SH3GL3: variants seen among roughly 807,000 people sequenced by gnomAD.
The protein encoded by SH3GL3 is endophilin-A3.
A neutral mutation model predicts 47.7 loss-of-function variants in SH3GL3; 33 were observed. The observed-to-expected ratio is 0.69, with a 90% CI of 0.52 to 0.92. SH3GL3 has a LOEUF of 0.92. Ranked by LOEUF, SH3GL3 falls within the 40% of genes least tolerant of loss-of-function variation. The probability of loss-of-function intolerance (pLI) is 0.00; values close to 1 mark genes in which losing one functional copy is unlikely to be tolerated. For missense variants in SH3GL3, 363 were observed against 417.8 expected, an observed-to-expected ratio of 0.87 and a Z score of 1.14; for synonymous variants, 155 against 148.8, an observed-to-expected ratio of 1.04 and a Z score of -0.30.
chr15:83,468,405 TAAGAG>T (rs766283848), intron 1 of SH3GL3, among the ~76,000 whole-genome samples: 2 of 152,206 alleles, frequency 1.3e-5, no homozygotes, highest in Non-Finnish European at 2.9e-5. Context: ...ATTATTTGAA[TAAGAG>T]TAGTGAGAGT....
chr15:83,581,979 T>G (rs1297461186), intron 6 of SH3GL3, among the ~76,000 whole-genome samples: 2 of 152,218 alleles, frequency 1.3e-5, no homozygotes, highest in African/African-American at 4.8e-5. Context: ...GTCCCATGAC[T>G]GATTTCTCAC....
intron 1 of SH3GL3, among the ~76,000 whole-genome samples, chr15:83,516,719 A>G (rs554720633): frequency 2.2e-4 from 34 of 152,096 alleles, no homozygotes; most frequent in Non-Finnish European, 4.7e-4. Context: ...CTCATGATCA[A>G]ACACCTCCCA....
intron 6 of SH3GL3, among the ~76,000 whole-genome samples, chr15:83,585,070 T>G (rs2151799885): frequency 6.6e-6 from 1 of 152,268 alleles, no homozygotes; most frequent in South Asian, 2.1e-4. Flanking sequence ...AAGCTTCAAT[T>G]TTCTGAAATC....
Position 83,478,393 on chromosome 15 carries a change from A to T in SH3GL3, c.45+30815A>T, listed in dbSNP as rs148318530. On this transcript the variant is annotated intron_variant, in intron 1 of 8. Transcript: ENST00000427482. The stretch of plus-strand genomic sequence containing the variant: ...GAGCTGAGTCTGGTTGGCTGTCTGC[A>T]CTGGCACTTGCTGGGGACTTTGGGG... Among the ~76,000 whole-genome samples the T allele has an allele frequency of 4.6e-3, 702 of 152,326 alleles. 2 individuals carry two copies. Among genetic ancestry groups the T allele is most frequent in the Non-Finnish European group, 6.5e-3 (443 of 68,026 alleles).
chr15:83,450,759 CT>C (rs11389152), intron 1 of SH3GL3, among the ~76,000 whole-genome samples: 253 of 44,540 alleles, frequency 5.7e-3, no homozygotes, highest in East Asian at 0.012. Flanking sequence ...GGATATTTTT[CT>C]TTTTTTTTTT....
At chr15:83,535,894 A>G (rs2043879582) in intron 1 of SH3GL3, among the ~76,000 whole-genome samples, 1 of 152,212 alleles carries the variant, frequency 6.6e-6, no homozygotes, top group Admixed American at 6.5e-5. Context: ...AATGGGCAAA[A>G]AAATACAAAT....
intron 8 of SH3GL3, among the ~76,000 whole-genome samples, chr15:83,591,905 C>A (rs539427549): frequency 1.3e-5 from 2 of 150,942 alleles, no homozygotes; most frequent in Non-Finnish European, 3.0e-5. Flanking sequence ...GATCTCCTGA[C>A]CTTGTGATCC....
At chr15:83,559,692 A>G (rs1473693219) in intron 2 of SH3GL3, among the ~76,000 whole-genome samples, 1 of 152,188 alleles carries the variant, frequency 6.6e-6, no homozygotes, top group Non-Finnish European at 1.5e-5. Context: ...ATGCAGAATG[A>G]TTTATTTACC....
intron 8 of SH3GL3, among the ~76,000 whole-genome samples, chr15:83,609,774 A>G (rs2060616406): frequency 6.6e-6 from 1 of 151,400 alleles, no homozygotes; most frequent in African/African-American, 2.4e-5. Flanking sequence ...GCCACTGACC[A>G]CTCTTTCCAC....
At chr15:83,507,288 G>A (rs372802426) in intron 1 of SH3GL3, among the ~76,000 whole-genome samples, 1 of 152,068 alleles carries the variant, frequency 6.6e-6, no homozygotes, top group Non-Finnish European at 1.5e-5. Context: ...GATTACAGGC[G>A]TGAGCCACCG....
intron 6 of SH3GL3, among the ~76,000 whole-genome samples, chr15:83,580,313 A>G (rs2059797692): frequency 6.6e-6 from 1 of 152,220 alleles, no homozygotes; most frequent in Non-Finnish European, 1.5e-5. Flanking sequence ...GCCATGTCAA[A>G]CACAGTGGGT....
chr15:83,501,815 C>T (rs1225753280), intron 1 of SH3GL3, among the ~76,000 whole-genome samples: 1 of 151,956 alleles, frequency 6.6e-6, no homozygotes, highest in Non-Finnish European at 1.5e-5. Context: ...TGCTTGAACC[C>T]GGGAAGCTGA....
In SH3GL3 at chr15:83,576,718, A is replaced by T. The variant is rs746744566; in HGVS notation, c.601A>T (p.Met201Leu). The T allele has an allele frequency of 1.9e-6, 3 of 1,605,186 alleles. No homozygotes were observed. The highest frequency in any genetic ancestry group is 2.5e-6 in the Non-Finnish European group (3 of 1,177,184). ...GTCAAAGGAGTTGGCTGAAAGAAGC[A>T]TGTTTAACTTTTTAGAAAATGATGT... ...EESKELAERS[M>L]FNFLENDVEQ... The change falls in exon 6 of 9, where the codon ATG becomes TTG. Residue 201 changes from methionine to leucine, a missense_variant. Met to Leu is a conservative substitution (Grantham distance 15). Coordinates refer to ENST00000427482, the MANE Select transcript of SH3GL3 (RefSeq NM_003027.5).
At chr15:83,559,712 A>T (rs1336123660) in intron 2 of SH3GL3, among the ~76,000 whole-genome samples, 2 of 152,212 alleles carry the variant, frequency 1.3e-5, no homozygotes, top group Non-Finnish European at 2.9e-5. Context: ...CGTGTGGAAG[A>T]CTTGGGCTCT....
At chr15:83,619,004 G>T (rs1397508456), downstream of SH3GL3, among the ~76,000 whole-genome samples, 2 of 152,188 alleles carry the variant, frequency 1.3e-5, no homozygotes, top group African/African-American at 4.8e-5. Flanking sequence ...ATTTTGGATA[G>T]GTTTTTCAGA....
chr15:83,547,312 A>ATTAG (rs1325634964), intron 1 of SH3GL3, among the ~76,000 whole-genome samples: 4 of 146,576 alleles, frequency 2.7e-5, no homozygotes, highest in African/African-American at 5.0e-5. Flanking sequence ...AGTGGGAAAC[A>ATTAG]CTAGGAAAGG....
At chr15:83,455,073 A>C (rs1438052429) in intron 1 of SH3GL3, among the ~76,000 whole-genome samples, 1 of 20,442 alleles carries the variant, frequency 4.9e-5, no homozygotes, top group Non-Finnish European at 9.6e-5. Flanking sequence ...TATGAAGCTT[A>C]GTTTGGCTGG....
At chr15:83,499,342 A>G (rs934935352) in intron 1 of SH3GL3, among the ~76,000 whole-genome samples, 1 of 150,764 alleles carries the variant, frequency 6.6e-6, no homozygotes, top group Non-Finnish European at 1.5e-5. Flanking sequence ...TGTAAATCTG[A>G]TATTTATGTT....
intron 1 of SH3GL3, among the ~76,000 whole-genome samples, chr15:83,469,893 C>T (rs570824335): frequency 2.0e-5 from 3 of 152,126 alleles, no homozygotes; most frequent in Non-Finnish European, 2.9e-5. Context: ...CTGTCTAGTT[C>T]TATTAATTGT....
Sources: allele counts gnomAD v4.1 joint callset (sites outside exome capture counted in the v4.1 genomes callset), GRCh38; gene constraint gnomAD v4.1.1; transcripts MANE v1.5; gene names NCBI Gene and HGNC (gene_info 2026-07-23, HGNC 2026-07-21).